The following PARP4 variants were observed in gnomAD, a reference collection of about 807,000 sequenced individuals.
The protein encoded by PARP4 is protein mono-ADP-ribosyltransferase PARP4.
Under a neutral mutation model 187.7 loss-of-function variants are expected in PARP4, and 120 were observed. The observed-to-expected ratio is 0.64, with a 90% CI of 0.55 to 0.74. PARP4 has a LOEUF of 0.74. Among genes scored for constraint, PARP4 ranks in the 30% least tolerant of loss-of-function variants. The pLI is 0.00. For missense variants in PARP4, 1,836 were observed against 2,070.5 expected (o/e 0.89, Z 2.20); for synonymous variants, 654 against 740.9 (o/e 0.88, Z 1.90).
rs749389052 is a variant in PARP4, at chr13:24,477,685, A to C, written c.1789+16T>G. On this transcript the variant is annotated intron_variant, in intron 14 of 33. Transcript: ENST00000381989. ...AATATAATAACATAAAACAGCATTC[A>C]AGAAAATTGTCCTACCTTCAACCTT... The C allele has an allele frequency of 1.4e-6, 2 of 1,446,338 alleles. No homozygotes were observed. Among genetic ancestry groups the C allele is most frequent in the South Asian group, 2.5e-5 (2 of 80,448 alleles). The allele number at this position is 1,446,338 out of a possible 1,614,324, so 89.6% of individuals were successfully genotyped here.
intron 22 of PARP4, 94 bp downstream of exon 22, chr13:24,454,923 C>A: frequency 3.0e-6 from 3 of 1,012,412 alleles, no homozygotes; most frequent in Non-Finnish European, 4.2e-6. Flanking sequence ...CCTCACCACA[C>A]AGGCAGGGTC....
intron 30 of PARP4, among the ~76,000 whole-genome samples, chr13:24,436,567 C>T (rs1214300818): frequency 1.3e-5 from 2 of 152,172 alleles, no homozygotes; most frequent in East Asian, 3.8e-4. Flanking sequence ...CTTGGCCCCT[C>T]AAAGTGCTAG....
chr13:24,492,147 G>A (rs1868687794), intron 9 of PARP4, among the ~76,000 whole-genome samples: 4 of 152,208 alleles, frequency 2.6e-5, no homozygotes, highest in Admixed American at 2.0e-4. Context: ...CAGAGGATCC[G>A]AACTCATTCC....
rs146044995 is a variant in PARP4, at chr13:24,445,131, TCTTTGA to T, written c.3367-1407_3367-1402del. Among the ~76,000 whole-genome samples the T allele has an allele frequency of 2.6e-3, 390 of 152,300 alleles. 1 individual carries two copies. The highest frequency in any genetic ancestry group is 8.9e-3 in the African/African-American group (368 of 41,550). On this transcript the variant is annotated intron_variant, in intron 27 of 33. Transcript: ENST00000381989. ...TATGAAACTTCACTCATCTGGCCCT[TCTTTGA>T]GTCTCACGTGGCTCGTGCACACGTA... is the stretch of plus-strand genomic sequence containing the variant.
rs765565543 is a variant in PARP4, at chr13:24,469,083, C to G, written c.2074G>C (p.Glu692Gln). ...CCCTGGGTCACGGCTTCTAGGTACT[C>G]TTGCTGGGCTTCTTCCTTCTCTTTA... Reference protein sequence around the residue: ...EIKEKEEAQQEYLEAVTQGHG... With the variant: ...EIKEKEEAQQQYLEAVTQGHG... The change falls in exon 17 of 34, where the codon GAG becomes CAG. Residue 692 changes from glutamate to glutamine, a missense_variant. By Grantham distance (29) the Glu-to-Gln change is conservative. Coordinates refer to ENST00000381989, the MANE Select transcript of PARP4 (RefSeq NM_006437.4). 10 of 1,613,420 alleles carry G rather than the reference C, an allele frequency of 6.2e-6. No individual in the cohort carries two copies. Among genetic ancestry groups the G allele is most frequent in the Non-Finnish European group, 8.5e-6 (10 of 1,179,356 alleles).
intron 22 of PARP4, among the ~76,000 whole-genome samples, chr13:24,454,265 T>C (rs73460721): frequency 0.054 from 8,176 of 152,344 alleles, 713 homozygotes; most frequent in African/African-American, 0.18. Context: ...GCTTGGCCCC[T>C]GGAAGGCCAG....
chr13:24,436,057 TTC>T (rs1458638369), intron 30 of PARP4, among the ~76,000 whole-genome samples: 1 of 152,196 alleles, frequency 6.6e-6, no homozygotes, highest in African/African-American at 2.4e-5. Context: ...TTGAAAGACC[TTC>T]TCTCTTAGTT....
At chr13:24,442,267 G>T (rs1870970693) in intron 29 of PARP4, among the ~76,000 whole-genome samples, 1 of 151,964 alleles carries the variant, frequency 6.6e-6, no homozygotes, top group African/African-American at 2.4e-5. Context: ...TTTTTTGAGG[G>T]TCTTGGATTA....
In PARP4 at chr13:24,498,192, T is replaced by TCCA; in HGVS notation, c.512_514dup (p.Val171dup). 1 of 1,613,486 alleles carries TCCA rather than the reference T, an allele frequency of 6.2e-7. No individual in the cohort carries two copies. Among genetic ancestry groups the TCCA allele is most frequent in the South Asian group, 1.1e-5 (1 of 91,050 alleles). ...CCTGGAGTCCCGCGAACACTGAAGC[T>TCCA]CCACCACCACAGCTTCCTGGCCTCC... On this transcript the variant is annotated inframe_insertion, in exon 6 of 34. Coordinates refer to ENST00000381989, the MANE Select transcript of PARP4 (RefSeq NM_006437.4).
chr13:24,463,225 T>C (rs952660776), intron 17 of PARP4, among the ~76,000 whole-genome samples: 1 of 152,036 alleles, frequency 6.6e-6, no homozygotes, highest in Non-Finnish European at 1.5e-5. Flanking sequence ...GACAATGAAG[T>C]TAACATATTT....
At chr13:24,460,457 C>CGGGTGGGTTCTGCTGCAT (rs1566001711) in intron 17 of PARP4, among the ~76,000 whole-genome samples, 59 of 120,000 alleles carry the variant, frequency 4.9e-4, no homozygotes, top group East Asian at 2.6e-3. Context: ...CTCTGCTGCA[C>CGGGTGGGTTCTGCTGCAT]GGGTGGGCTC....
intron 9 of PARP4, among the ~76,000 whole-genome samples, chr13:24,491,221 A>C (rs1347299321): frequency 2.0e-5 from 3 of 151,838 alleles, no homozygotes; most frequent in Non-Finnish European, 4.4e-5. Flanking sequence ...CCTGGGTTCA[A>C]GCGATTCTCC....
Position 24,475,582 on chromosome 13 carries a change from C to G in PARP4, c.1804G>C (p.Asp602His). 1.2e-6 allele frequency: 2 copies of G among 1,614,156 alleles called. No homozygotes were observed. Among genetic ancestry groups the G allele is most frequent in the Non-Finnish European group, 1.7e-6 (2 of 1,179,980 alleles). ...FSKVEDYQLP[D>H]AKTSSSTKAG... ...TTGGTGCTGCTGGAAGTTTTGGCATCTGGTAACTGGTAATCTAAACGTTAA... is the reference window on the plus strand; with the variant it reads ...TTGGTGCTGCTGGAAGTTTTGGCATGTGGTAACTGGTAATCTAAACGTTAA... Residue 602 changes from aspartate to histidine, a missense_variant, in exon 15 of 34, where the codon GAT becomes CAT. Around this residue, in one of 8 missense-constraint regions of PARP4, gnomAD observed 1,147 missense variants for 1,214.2 expected, o/e 0.94. Transcript: ENST00000381989.
At chr13:24,501,564 A>T in intron 3 of PARP4, 69 bp downstream of exon 3, 1 of 1,013,808 alleles carries the variant, frequency 9.9e-7, no homozygotes, top group Non-Finnish European at 1.5e-6. Context: ...TGCCTATGGT[A>T]TCTTTGACAA....
At chr13:24,449,882 A>G in intron 24 of PARP4, 65 bp from the exon 25 acceptor site, 1 of 983,038 alleles carries the variant, frequency 1.0e-6, no homozygotes, top group Non-Finnish European at 1.6e-6. Context: ...ACATGTTAAC[A>G]GTGTTGAGAA....
chr13:24,503,635 T>C lies in PARP4; in HGVS notation c.132+10A>G. 5.6e-6 allele frequency: 9 copies of C among 1,612,134 alleles called. No homozygotes were observed. The highest frequency in any genetic ancestry group is 7.6e-6 in the Non-Finnish European group (9 of 1,179,798). ...TTTATCACACTGTAGTTTATGACAC[T>C]TGGAAATACCTGAGGATTTAACGAA... On this transcript the variant is annotated intron_variant, in intron 2 of 33. Transcript: ENST00000381989.
rs555325268 is a variant in PARP4, at chr13:24,512,396, G to A, written c.-2+310C>T. Among the ~76,000 whole-genome samples the A allele has an allele frequency of 2.9e-4, 44 of 152,352 alleles. No homozygotes were observed. The East Asian group carries it at 7.5e-3, about 26-fold the overall frequency. On this transcript the variant is annotated intron_variant, in intron 1 of 33. Coordinates refer to ENST00000381989, the MANE Select transcript of PARP4 (RefSeq NM_006437.4). ...GAAACAAGAAACAACGCGTGCTACTGCGAACCGCACCGCACGGGGTGCGGA... is the reference window on the plus strand; with the variant it reads ...GAAACAAGAAACAACGCGTGCTACTACGAACCGCACCGCACGGGGTGCGGA...
chr13:24,454,300 C>T (rs1170890035), intron 22 of PARP4, among the ~76,000 whole-genome samples: 1 of 152,222 alleles, frequency 6.6e-6, no homozygotes, highest in Non-Finnish European at 1.5e-5. Flanking sequence ...CTTTGCACTC[C>T]CCATGCTTAT....
intron 24 of PARP4, among the ~76,000 whole-genome samples, chr13:24,450,272 C>T (rs1593604203): frequency 6.6e-6 from 1 of 151,900 alleles, no homozygotes; most frequent in South Asian, 2.1e-4. Flanking sequence ...AAAGAAGCAA[C>T]TCTCACTCTA....
Sources: allele counts gnomAD v4.1 joint callset (sites outside exome capture counted in the v4.1 genomes callset), GRCh38; gene constraint gnomAD v4.1.1; regional missense constraint gnomAD v4.1.1; transcripts MANE v1.5; gene names NCBI Gene and HGNC (gene_info 2026-07-23, HGNC 2026-07-21).